CAMTA1: variants seen among roughly 807,000 people sequenced by gnomAD.
CAMTA1 encodes the protein calmodulin-binding transcription activator 1.
Under a neutral mutation model 170.9 loss-of-function variants are expected in CAMTA1, and 27 were observed. That is an observed-to-expected ratio of 0.16 (90% CI 0.12 to 0.22). The LOEUF is 0.22. Ranked by LOEUF, CAMTA1 falls within the 10% of genes least tolerant of loss-of-function variation. The pLI, the probability that CAMTA1 is intolerant of heterozygous loss-of-function variation, is 1.00. For synonymous variants in CAMTA1, 833 were observed against 891.5 expected, an observed-to-expected ratio of 0.93 and a Z score of 1.17; for missense variants, 1,619 against 2,217.2, an observed-to-expected ratio of 0.73 and a Z score of 5.42.
intron 4 of CAMTA1, among the ~76,000 whole-genome samples, chr1:7,112,473 T>A (rs1229481767): frequency 6.6e-6 from 1 of 152,252 alleles, no homozygotes; most frequent in African/African-American, 2.4e-5. Context: ...CTAAATGAGC[T>A]GCCCAAGGTT....
chr1:7,705,198 CGAGAGTGGGGA>C lies in CAMTA1; in HGVS notation c.2915-27248_2915-27238del, dbSNP rs1020794306. 2.1e-4 allele frequency among the ~76,000 whole-genome samples: 31 copies of C among 147,754 alleles called. 1 individual carries two copies. The South Asian group carries it at 6.4e-3, about 31-fold the overall frequency. The stretch of plus-strand genomic sequence containing the variant: ...CGGTGTGAGGGGCGTGTTTCTGGGG[CGAGAGTGGGGA>C]GTGAGTGTGAGGAGCAAGGGTGAGG... On this transcript the variant is annotated intron_variant, in intron 11 of 22. Transcript: ENST00000303635.
At chr1:7,151,438 G>A (rs1234943793) in intron 4 of CAMTA1, among the ~76,000 whole-genome samples, 1 of 152,162 alleles carries the variant, frequency 6.6e-6, no homozygotes, top group African/African-American at 2.4e-5. Context: ...TGTGTCTGGG[G>A]TTCCCCTGGT....
At chr1:7,623,874 C>T (rs924359554) in intron 6 of CAMTA1, among the ~76,000 whole-genome samples, 1 of 152,268 alleles carries the variant, frequency 6.6e-6, no homozygotes, top group African/African-American at 2.4e-5. Context: ...CAATTAATTG[C>T]TGTCCCCTGG....
chr1:7,255,364 G>A (rs1667211041), intron 5 of CAMTA1, among the ~76,000 whole-genome samples: 1 of 152,178 alleles, frequency 6.6e-6, no homozygotes, highest in Non-Finnish European at 1.5e-5. Context: ...TCTGTGGACA[G>A]ATTATTTTAC....
chr1:6,834,794 C>G (rs933460156), intron 3 of CAMTA1, among the ~76,000 whole-genome samples: 1 of 152,078 alleles, frequency 6.6e-6, no homozygotes, highest in Non-Finnish European at 1.5e-5. Flanking sequence ...TGTGCCACGC[C>G]CAGCTAATTT....
intron 6 of CAMTA1, among the ~76,000 whole-genome samples, chr1:7,612,504 A>G (rs1467024892): frequency 6.6e-6 from 1 of 152,200 alleles, no homozygotes; most frequent in Non-Finnish European, 1.5e-5. Flanking sequence ...CTAAAAGGCA[A>G]CATTTGGGCG....
chr1:7,134,011 A>G (rs1645407704), intron 4 of CAMTA1, among the ~76,000 whole-genome samples: 1 of 152,132 alleles, frequency 6.6e-6, no homozygotes, highest in South Asian at 2.1e-4. Flanking sequence ...GGTGGTGAGC[A>G]TAGTGCCCAA....
At chr1:7,653,991 C>T (rs917385166) in intron 7 of CAMTA1, among the ~76,000 whole-genome samples, 1 of 152,112 alleles carries the variant, frequency 6.6e-6, no homozygotes, top group Non-Finnish European at 1.5e-5. Context: ...TGGGCCCCAT[C>T]CTGAGTCTGT....
rs1438586757 is a variant in CAMTA1 at position 7,299,265 on chromosome 1, C to T, written c.438+49639C>T. On this transcript the variant is annotated intron_variant, in intron 5 of 22. Transcript: ENST00000303635. The surrounding 1 kb of genome is among the most constrained non-coding windows in gnomAD (Gnocchi z 4.7). ...CGTATATGAAACAATGACTTGATTT[C>T]TTTATATGAAACATACTTTGTACAT... 6.6e-6 allele frequency among the ~76,000 whole-genome samples: 1 copy of T among 152,184 alleles called. No homozygotes were observed. Among genetic ancestry groups the T allele is most frequent in the Non-Finnish European group, 1.5e-5 (1 of 68,016 alleles).
At chr1:7,497,906 C>T (rs1209077015) in intron 6 of CAMTA1, among the ~76,000 whole-genome samples, 1 of 152,162 alleles carries the variant, frequency 6.6e-6, no homozygotes, top group African/African-American at 2.4e-5. Context: ...GCAGCCCACC[C>T]ACAACCCAGG....
chr1:6,977,594 C>A (rs1693687358), intron 3 of CAMTA1, among the ~76,000 whole-genome samples: 1 of 152,192 alleles, frequency 6.6e-6, no homozygotes, highest in African/African-American at 2.4e-5. Flanking sequence ...CTCGCCTCGG[C>A]CTCCCAAAGT....
intron 3 of CAMTA1, among the ~76,000 whole-genome samples, chr1:7,017,488 C>T (rs932622784): frequency 2.0e-5 from 3 of 152,304 alleles, no homozygotes; most frequent in South Asian, 4.2e-4. Context: ...TCAGGTGCTC[C>T]GTCAGCGAGT....
In CAMTA1 at chr1:7,456,111, G is replaced by A. The variant is rs532925858; in HGVS notation, c.439-11719G>A. ...CAGAGATCCCTTGTGCTTAATGCAG[G>A]CAGACCTGGTGAAGGGTGAGGGGGT... On this transcript the variant is annotated intron_variant, in intron 5 of 22. Transcript: ENST00000303635. The surrounding 1 kb of genome is among the most constrained non-coding windows in gnomAD (Gnocchi z 4.9). 6.6e-6 allele frequency among the ~76,000 whole-genome samples: 1 copy of A among 152,190 alleles called. No individual in the cohort carries two copies. Among genetic ancestry groups the A allele is most frequent in the South Asian group, 2.1e-4 (1 of 4,804 alleles).
rs545217164 is a variant in CAMTA1 at position 7,725,754 on chromosome 1, C to T, written c.2915-6694C>T. ...GCAGCCTCTGGGTCTCACTCAGACC[C>T]ACTGGACCAAAACTCTGGGAATAGG... On this transcript the variant is annotated intron_variant, in intron 11 of 22. Transcript: ENST00000303635. 2.6e-5 allele frequency among the ~76,000 whole-genome samples: 4 copies of T among 152,334 alleles called. No homozygotes were observed. The South Asian group carries it at 8.3e-4, about 32-fold the overall frequency.
intron 5 of CAMTA1, among the ~76,000 whole-genome samples, chr1:7,297,379 C>T (rs1674113864): frequency 6.6e-6 from 1 of 152,188 alleles, no homozygotes; most frequent in African/African-American, 2.4e-5. Context: ...TTGGCCTTTC[C>T]TGTAGGGTAT....
intron 4 of CAMTA1, among the ~76,000 whole-genome samples, chr1:7,175,315 TAAAG>T (rs1650567313): frequency 6.6e-6 from 1 of 152,214 alleles, no homozygotes; most frequent in African/African-American, 2.4e-5. Flanking sequence ...AATAACATAA[TAAAG>T]ATATTTTTCC....
chr1:7,454,207 G>A lies in CAMTA1; in HGVS notation c.439-13623G>A, dbSNP rs191055180. Among the ~76,000 whole-genome samples, 842 of 152,294 alleles carry A rather than the reference G, an allele frequency of 5.5e-3. 5 individuals carry two copies. The highest frequency in any genetic ancestry group is 0.02 in the African/African-American group (813 of 41,560). On this transcript the variant is annotated intron_variant, in intron 5 of 22. Transcript: ENST00000303635. ...GAGGAAGCTGAGGAGAGAGGAAATGGCAGAGGCGACCTCGCCTCACACTTC... is the reference window on the plus strand; with the variant it reads ...GAGGAAGCTGAGGAGAGAGGAAATGACAGAGGCGACCTCGCCTCACACTTC...
intron 6 of CAMTA1, among the ~76,000 whole-genome samples, chr1:7,492,678 C>T (rs12564122): frequency 1.8e-5 from 2 of 111,388 alleles, no homozygotes; most frequent in African/African-American, 3.9e-5. Context: ...AACACACACA[C>T]ACAAACACAA....
chr1:7,488,627 A>C (rs1575578159), intron 6 of CAMTA1, among the ~76,000 whole-genome samples: 1 of 151,486 alleles, frequency 6.6e-6, no homozygotes, highest in Admixed American at 6.6e-5. Flanking sequence ...TACACATACA[A>C]TATACATATA....
Sources: allele counts gnomAD v4.1 joint callset (sites outside exome capture counted in the v4.1 genomes callset), GRCh38; gene constraint gnomAD v4.1.1; non-coding constraint Gnocchi (gnomAD v3.1); transcripts MANE v1.5; gene names NCBI Gene and HGNC (gene_info 2026-07-23, HGNC 2026-07-21).